LSAMP: variants seen among roughly 807,000 people sequenced by gnomAD.
The protein encoded by LSAMP is limbic system associated membrane protein, also known as limbic system-associated membrane protein.
LSAMP carries 7 observed loss-of-function variants against 38.6 expected under a neutral mutation model. That is an observed-to-expected ratio of 0.18 (90% CI 0.10 to 0.34). The LOEUF (loss-of-function observed/expected upper bound fraction) is 0.34. Ranked by LOEUF, LSAMP falls within the 10% of genes least tolerant of loss-of-function variation. The pLI, the probability that LSAMP is intolerant of heterozygous loss-of-function variation, is 1.00. For missense variants in LSAMP, 313 were observed against 420.0 expected (o/e 0.75, Z 2.23); for synonymous variants, 154 against 166.8 (o/e 0.92, Z 0.59).
intron 3 of LSAMP, among the ~76,000 whole-genome samples, chr3:115,983,083 A>G (rs994115469): frequency 6.6e-6 from 1 of 152,100 alleles, no homozygotes; most frequent in Non-Finnish European, 1.5e-5. Flanking sequence ...ACCAAAATAT[A>G]GCAACAATAA....
At position 116,200,843 on chromosome 3, in the gene LSAMP, C is replaced by G. The variant is rs527887424; in HGVS notation, c.156-114287G>C. On this transcript the variant is annotated intron_variant, in intron 1 of 6. Transcript: ENST00000490035. ...TTGATGCTGCAGTGTTTTCCCCTTT[C>G]TTGTTCTCTTCTATTTGTAGGTAAA... 3.3e-5 allele frequency among the ~76,000 whole-genome samples: 5 copies of G among 152,314 alleles called. No homozygotes were observed. In the East Asian group the frequency reaches 9.7e-4, roughly 29 times the overall value.
intron 1 of LSAMP, among the ~76,000 whole-genome samples, chr3:116,197,163 ACTCT>A (rs1553712533): frequency 8.6e-5 from 12 of 139,084 alleles, no homozygotes; most frequent in Admixed American, 6.0e-4. Context: ...ACACACACAC[ACTCT>A]CTCTCTCTCT....
chr3:116,213,781 A>G (rs887197653), intron 1 of LSAMP, among the ~76,000 whole-genome samples: 3 of 152,218 alleles, frequency 2.0e-5, no homozygotes, highest in Non-Finnish European at 2.9e-5. Context: ...TGAGGACACT[A>G]TGCTAAGTGA....
chr3:115,890,769 C>T (rs368387653), intron 3 of LSAMP, among the ~76,000 whole-genome samples: 6 of 151,784 alleles, frequency 4.0e-5, no homozygotes, highest in African/African-American at 1.5e-4. Context: ...AGAGGTGCTT[C>T]TATGTGAAAA....
intron 3 of LSAMP, among the ~76,000 whole-genome samples, chr3:115,968,846 G>T (rs1315283330): frequency 6.6e-6 from 1 of 152,178 alleles, no homozygotes; most frequent in Admixed American, 6.5e-5. Context: ...GTCTGCAATG[G>T]CAAGGCTTGT....
At chr3:115,959,570 G>C (rs780981824) in intron 3 of LSAMP, among the ~76,000 whole-genome samples, 5 of 152,136 alleles carry the variant, frequency 3.3e-5, no homozygotes, top group Non-Finnish European at 7.4e-5. Context: ...ATGTGTGTTG[G>C]TTATAAGAAT....
intron 1 of LSAMP, among the ~76,000 whole-genome samples, chr3:116,367,353 T>G (rs1404212238): frequency 6.6e-6 from 1 of 152,128 alleles, no homozygotes; most frequent in Non-Finnish European, 1.5e-5. Flanking sequence ...AGAATATAAA[T>G]AAATCCCACT....
intron 1 of LSAMP, among the ~76,000 whole-genome samples, chr3:116,256,405 C>T (rs560295272): frequency 2.0e-5 from 3 of 152,246 alleles, no homozygotes; most frequent in Admixed American, 6.5e-5. Flanking sequence ...TTTTCCTCCC[C>T]CTACTCAGGA....
intron 1 of LSAMP, among the ~76,000 whole-genome samples, chr3:116,286,465 G>A (rs1486879212): frequency 6.6e-6 from 1 of 152,098 alleles, no homozygotes. Context: ...TAAAAATGAT[G>A]GAAAGGCACA....
At chr3:116,241,190 A>T (rs1249895062) in intron 1 of LSAMP, among the ~76,000 whole-genome samples, 2 of 151,644 alleles carry the variant, frequency 1.3e-5, no homozygotes, top group South Asian at 4.2e-4. Context: ...AAAAAAAAAA[A>T]AACTTGCAGA....
At chr3:116,016,861 C>A (rs1326449093) in intron 3 of LSAMP, among the ~76,000 whole-genome samples, 3 of 152,074 alleles carry the variant, frequency 2.0e-5, no homozygotes, top group Non-Finnish European at 4.4e-5. Context: ...CACTTGCAGG[C>A]AGTACATAAA....
chr3:116,394,953 T>A (rs929146971), intron 1 of LSAMP, among the ~76,000 whole-genome samples: 1 of 152,202 alleles, frequency 6.6e-6, no homozygotes, highest in South Asian at 2.1e-4. Flanking sequence ...CACTTATTTT[T>A]AAATATTATC....
intron 2 of LSAMP, among the ~76,000 whole-genome samples, chr3:116,060,454 A>G (rs1941573016): frequency 1.3e-5 from 2 of 152,158 alleles, no homozygotes; most frequent in African/African-American, 4.8e-5. Flanking sequence ...ACACACACAC[A>G]CATAGACATA....
chr3:116,303,692 G>A (rs1220823749), intron 1 of LSAMP, among the ~76,000 whole-genome samples: 1 of 152,134 alleles, frequency 6.6e-6, no homozygotes, highest in Admixed American at 6.6e-5. Flanking sequence ...GTACAGAGAG[G>A]TTAATCAAAA....
At chr3:115,813,173 TTATTA>T (rs1933895442) in intron 6 of LSAMP, among the ~76,000 whole-genome samples, 1 of 151,774 alleles carries the variant, frequency 6.6e-6, no homozygotes, top group Non-Finnish European at 1.5e-5. Context: ...CTTCATAATA[TTATTA>T]TATACAGTCA....
rs1312008606 is a variant in LSAMP, at chr3:115,803,393, A to G, written c.*6924T>C. On this transcript the variant is annotated 3_prime_UTR_variant, in exon 7 of 7. Transcript: ENST00000490035. ...CAATAAAATCAAAGGACAACTTTGG[A>G]TAGATGCTAACCTGAGCCTCTAGGA... 2.6e-5 allele frequency: 4 copies of G among 152,356 alleles called. No individual in the cohort carries two copies. Among genetic ancestry groups the G allele is most frequent in the Admixed American group, 2.6e-4 (4 of 15,300 alleles). The allele number at this position is 152,356 out of a possible 1,614,324, so 9.4% of individuals were successfully genotyped here. A position where few individuals can be genotyped will look rare whatever the true frequency, so the allele number is the denominator to read the frequency against.
intron 1 of LSAMP, among the ~76,000 whole-genome samples, chr3:116,287,106 T>C (rs1445187707): frequency 6.6e-6 from 1 of 152,184 alleles, no homozygotes; most frequent in African/African-American, 2.4e-5. Flanking sequence ...AAGGTTTATA[T>C]GTAATTTTTT....
intron 1 of LSAMP, among the ~76,000 whole-genome samples, chr3:116,106,284 G>A (rs1268941049): frequency 3.9e-5 from 6 of 152,186 alleles, no homozygotes. Context: ...AACCGGCAGT[G>A]TAAACAAGAG....
intron 1 of LSAMP, among the ~76,000 whole-genome samples, chr3:116,439,134 G>A (rs2049395325): frequency 6.6e-6 from 1 of 152,122 alleles, no homozygotes; most frequent in Non-Finnish European, 1.5e-5. Flanking sequence ...GAATTTCTGA[G>A]AAGAGAGGAT....
Sources: gnomAD v4.1 joint callset for allele counts (sites outside exome capture counted in the v4.1 genomes callset) on GRCh38, gnomAD v4.1.1 for gene constraint, MANE v1.5 for transcripts, NCBI Gene and HGNC (gene_info 2026-07-23, HGNC 2026-07-21) for gene names.